The following MTPAP variants were observed in gnomAD, a reference collection of about 807,000 sequenced individuals.
MTPAP encodes the protein poly(A) RNA polymerase, mitochondrial.
A neutral mutation model predicts 48.7 loss-of-function variants in MTPAP; 23 were observed. That is an observed-to-expected ratio of 0.47 (90% confidence interval 0.34 to 0.67). The LOEUF is 0.67. MTPAP is among the 30% of genes least tolerant of loss of function. The probability of loss-of-function intolerance (pLI) is 0.01; values close to 1 mark genes in which losing one functional copy is unlikely to be tolerated. For synonymous variants in MTPAP, 257 were observed against 254.1 expected (o/e 1.01, Z -0.11); for missense variants, 614 against 694.3 (o/e 0.88, Z 1.30).
rs1485655252 is a variant in MTPAP at position 30,336,896 on chromosome 10, G to A, written c.687C>T (p.Pro229=). 3.7e-6 allele frequency: 6 copies of A among 1,613,070 alleles called. No individual in the cohort carries two copies. Among genetic ancestry groups the A allele is most frequent in the Non-Finnish European group, 4.2e-6 (5 of 1,180,016 alleles). ...CAAAAGTGTTGACTGAGGAGCCAAAGGGTCTGACTATGCAGTCTGGAAAAT... is the reference window on the plus strand; with the variant it reads ...CAAAAGTGTTGACTGAGGAGCCAAAAGGTCTGACTATGCAGTCTGGAAAAT... ...AAYFPDCIVR[P]FGSSVNTFGK... Residue 229 remains proline, a synonymous_variant, in exon 4 of 9, where the codon CCC becomes CCT. Transcript: ENST00000263063.
At chr10:30,320,021 G>GAAT (rs1471060410) in intron 6 of MTPAP, among the ~76,000 whole-genome samples, 4 of 152,190 alleles carry the variant, frequency 2.6e-5, no homozygotes, top group African/African-American at 9.7e-5. Flanking sequence ...AGCACTTGGG[G>GAAT]AGGCTGAGAA....
chr10:30,315,884 G>A, intron 8 of MTPAP, 79 bp downstream of exon 8: 1 of 1,332,878 alleles, frequency 7.5e-7, no homozygotes, highest in Non-Finnish European at 1.0e-6. Context: ...ATTTATTAGA[G>A]TGTTTTGAAA....
chr10:30,346,123 G>T (rs747611566), intron 1 of MTPAP, among the ~76,000 whole-genome samples: 3 of 151,948 alleles, frequency 2.0e-5, no homozygotes, highest in Non-Finnish European at 4.4e-5. Flanking sequence ...CGTAATGGGG[G>T]AAAAATTAAC....
At chr10:30,342,151 A>T (rs1300765838) in intron 1 of MTPAP, among the ~76,000 whole-genome samples, 1 of 152,148 alleles carries the variant, frequency 6.6e-6, no homozygotes, top group South Asian at 2.1e-4. Context: ...CAGGAGAATC[A>T]CTTGAAACCA....
chr10:30,349,010 C>A, intron 1 of MTPAP, 109 bp downstream of exon 1: 1 of 1,524,336 alleles, frequency 6.6e-7, no homozygotes, highest in Non-Finnish European at 9.0e-7. Context: ...ACAGCCCCAC[C>A]CTCTTGCCAA....
chr10:30,322,741 T>C (rs761659560), intron 5 of MTPAP, 124 bp from the exon 6 acceptor site: 8 of 706,600 alleles, frequency 1.1e-5, no homozygotes, highest in Non-Finnish European at 1.9e-5. Flanking sequence ...CAGAACATCA[T>C]TAGGTAATCA....
At chr10:30,320,369 TA>T (rs1282116759) in intron 6 of MTPAP, among the ~76,000 whole-genome samples, 1 of 151,956 alleles carries the variant, frequency 6.6e-6, no homozygotes, top group African/African-American at 2.4e-5. Flanking sequence ...AACAAAAAAT[TA>T]AAAAATTAGC....
Position 30,315,508 on chromosome 10 carries a change from AAAAAAAC to A in MTPAP, c.1386+448_1386+454del, listed in dbSNP as rs780764441. On this transcript the variant is annotated intron_variant, in intron 8 of 8. Transcript: ENST00000263063. ...AATCGTAAGTTCATTTGCTCAAAAA[AAAAAAAC>A]AAAACAAAACAAAACAAAACAAAAA... Among the ~76,000 whole-genome samples, 444 of 150,926 alleles carry A rather than the reference AAAAAAAC, an allele frequency of 2.9e-3. 2 individuals are homozygous for A. The highest frequency in any genetic ancestry group is 4.8e-3 in the Non-Finnish European group (323 of 67,756).
intron 6 of MTPAP, among the ~76,000 whole-genome samples, chr10:30,316,740 A>G (rs1840667285): frequency 1.3e-5 from 2 of 151,864 alleles, no homozygotes; most frequent in Non-Finnish European, 2.9e-5. Flanking sequence ...AAATACAAAA[A>G]TTAGCCAGGC....
intron 8 of MTPAP, among the ~76,000 whole-genome samples, chr10:30,315,502 CAAAAA>C (rs72362075): frequency 2.0e-4 from 25 of 127,232 alleles, no homozygotes; most frequent in African/African-American, 6.7e-4. Context: ...TTCATTTGCT[CAAAAA>C]AAAAAAACAA....
chr10:30,347,307 T>A (rs1290389041), intron 1 of MTPAP, among the ~76,000 whole-genome samples: 2 of 152,234 alleles, frequency 1.3e-5, no homozygotes, highest in Non-Finnish European at 2.9e-5. Flanking sequence ...TGCAACAATG[T>A]TCCTTATTGC....
At chr10:30,319,340 T>C (rs1008154656) in intron 6 of MTPAP, among the ~76,000 whole-genome samples, 23 of 152,148 alleles carry the variant, frequency 1.5e-4, no homozygotes, top group African/African-American at 5.6e-4. Context: ...CATGTTGCCT[T>C]CTATTAATAA....
Position 30,349,241 on chromosome 10 carries a change from A to C in MTPAP, c.35T>G (p.Leu12Trp). 1 of 1,599,960 alleles carries C rather than the reference A, an allele frequency of 6.3e-7. No individual in the cohort carries two copies. Among genetic ancestry groups the C allele is most frequent in the African/African-American group, 1.3e-5 (1 of 74,090 alleles). ...AGTTCTTCTCCGGGCACACAGGTTCAAACGGGTCAAGAGCCCCACGCCGGG... is the reference window on the plus strand; with the variant it reads ...AGTTCTTCTCCGGGCACACAGGTTCCAACGGGTCAAGAGCCCCACGCCGGG... ...AVPGVGLLTRLNLCARRRTRV... is the reference protein window; with the variant it reads ...AVPGVGLLTRWNLCARRRTRV... The change falls in exon 1 of 9, where the codon TTG (leucine) becomes TGG (tryptophan). Residue 12 changes from leucine (L) to tryptophan (W), a missense_variant. This residue lies in a region of MTPAP where 125 missense variants were observed against 111.5 expected (regional missense o/e 1.12). Transcript: ENST00000263063.
chr10:30,314,020 T>C, intron 8 of MTPAP, 49 bp from the exon 9 acceptor site: 1 of 1,580,686 alleles, frequency 6.3e-7, no homozygotes, highest in Non-Finnish European at 8.7e-7. Context: ...ATGAAGGGCT[T>C]AAATATAAAA....
At chr10:30,318,019 G>A (rs1439492891) in intron 6 of MTPAP, among the ~76,000 whole-genome samples, 3 of 151,916 alleles carry the variant, frequency 2.0e-5, no homozygotes, top group Non-Finnish European at 4.4e-5. Flanking sequence ...CACCACACCC[G>A]GCTAATTTTT....
intron 1 of MTPAP, among the ~76,000 whole-genome samples, chr10:30,348,306 A>T (rs1834894558): frequency 6.6e-6 from 1 of 152,228 alleles, no homozygotes; most frequent in Non-Finnish European, 1.5e-5. Flanking sequence ...AATAGCTCCA[A>T]GGAATCGTAG....
At chr10:30,348,602 C>A (rs990643737) in intron 1 of MTPAP, among the ~76,000 whole-genome samples, 1 of 152,164 alleles carries the variant, frequency 6.6e-6, no homozygotes, top group African/African-American at 2.4e-5. Flanking sequence ...TGTTACCAGA[C>A]TGATTTGGTT....
Position 30,310,229 on chromosome 10 carries a change from T to C in MTPAP, c.*3380A>G, listed in dbSNP as rs1050856336. 7.2e-5 allele frequency: 11 copies of C among 152,182 alleles called. No homozygotes were observed. The highest frequency in any genetic ancestry group is 1.5e-4 in the Non-Finnish European group (10 of 68,036). 9.4% of individuals were successfully genotyped at this position (152,182 alleles called of 1,614,324 possible). A position where few individuals can be genotyped will look rare whatever the true frequency, so the allele number is the denominator to read the frequency against. ...AATCTGGGTTGTGATACACTAAAGT[T>C]ATGAGAAAATATATTTGTCTGTAGT... On this transcript the variant is annotated 3_prime_UTR_variant, in exon 9 of 9. Coordinates refer to ENST00000263063, the MANE Select transcript of MTPAP (RefSeq NM_018109.4).
At position 30,326,709 on chromosome 10, in the gene MTPAP, A is replaced by G. The variant is rs1029172; in HGVS notation, c.781-74T>C. The G allele has an allele frequency of 0.99, 1,115,758 of 1,129,312 alleles. 551,893 individuals are homozygous for G. Among genetic ancestry groups the G allele is most frequent in the Non-Finnish European group, 1 (748,882 of 749,732 alleles). 70.0% of individuals were successfully genotyped at this position (1,129,312 alleles called of 1,614,324 possible). A position where few individuals can be genotyped will look rare whatever the true frequency, so the allele number is the denominator to read the frequency against. On this transcript the variant is annotated intron_variant, in intron 4 of 8. Coordinates refer to ENST00000263063, the MANE Select transcript of MTPAP (RefSeq NM_018109.4). ...ATTTTTTAATAAGCTTTTGTAAAAG[A>G]ATGCTCTAAATCACTGCTGGAAAGC...
Sources: gnomAD v4.1 joint callset for allele counts (sites outside exome capture counted in the v4.1 genomes callset) on GRCh38, gnomAD v4.1.1 for gene constraint, gnomAD v4.1.1 regional missense constraint, MANE v1.5 for transcripts, NCBI Gene and HGNC (gene_info 2026-07-23, HGNC 2026-07-21) for gene names.